Variants in NCR2 observed in about 807,000 individuals in gnomAD.
NCR2 encodes the protein natural cytotoxicity triggering receptor 2, also known as NK cell activating receptor (NKp44).
Under a neutral mutation model 30.7 loss-of-function variants are expected in NCR2, and 35 were observed. The ratio of observed to expected loss-of-function variants is 1.14; its 90% confidence interval spans 0.87 to 1.51. The LOEUF (loss-of-function observed/expected upper bound fraction) is 1.51. Ranked by LOEUF, NCR2 falls within the 40% of genes most tolerant of loss-of-function variation. The pLI is 0.00. For synonymous variants in NCR2, 146 were observed against 134.8 expected, an observed-to-expected ratio of 1.08 and a Z score of -0.58; for missense variants, 316 against 328.9, an observed-to-expected ratio of 0.96 and a Z score of 0.30.
intron 4 of NCR2, among the ~76,000 whole-genome samples, chr6:41,343,209 C>G (rs1400790638): frequency 6.6e-6 from 1 of 152,282 alleles, no homozygotes; most frequent in Non-Finnish European, 1.5e-5. Context: ...GGCCAGCACC[C>G]CGTTGTGGGA....
intron 2 of NCR2, among the ~76,000 whole-genome samples, chr6:41,339,496 T>G (rs1769120022): frequency 6.6e-6 from 1 of 152,078 alleles, no homozygotes. Context: ...CACCTTCTCC[T>G]GCCTCAGCCT....
intron 4 of NCR2, among the ~76,000 whole-genome samples, chr6:41,345,117 C>T (rs1769271388): frequency 6.6e-6 from 1 of 152,184 alleles, no homozygotes; most frequent in Non-Finnish European, 1.5e-5. Flanking sequence ...AAGCTCTCTG[C>T]AGCTGTTGAG....
chr6:41,336,782 T>C (rs536780854), intron 2 of NCR2, among the ~76,000 whole-genome samples: 4 of 152,106 alleles, frequency 2.6e-5, no homozygotes, highest in Admixed American at 2.6e-4. Flanking sequence ...CCCCACCATG[T>C]AGAGCCAGTG....
chr6:41,344,430 C>G (rs1002188802), intron 4 of NCR2, among the ~76,000 whole-genome samples: 2 of 152,230 alleles, frequency 1.3e-5, no homozygotes, highest in African/African-American at 4.8e-5. Flanking sequence ...CTTACAATCC[C>G]GATGTTGGAC....
rs990764477 is a variant in NCR2, at chr6:41,350,678, G to C, written c.645G>C (p.Trp215Cys). 1.4e-5 allele frequency: 22 copies of C among 1,612,350 alleles called. No homozygotes were observed. The highest frequency in any genetic ancestry group is 1.7e-5 in the Admixed American group (1 of 59,678). The change falls in exon 5 of 5, where the codon TGG (tryptophan) becomes TGC (cysteine). Residue 215 changes from tryptophan to cysteine, a missense_variant and splice_region_variant. Trp to Cys is a radical substitution (Grantham distance 215). Transcript: ENST00000373089. ...SLVLSALLVW[W>C]GDIWWKTMME... The stretch of plus-strand genomic sequence containing the variant: ...TCCTGGTTTCCTGCTCTGATTGCAG[G>C]GGGGACATATGGTGGAAAACCATGA...
intron 1 of NCR2, 43 bp from the exon 2 acceptor site, chr6:41,336,044 G>T: frequency 1.3e-6 from 2 of 1,593,838 alleles, no homozygotes; most frequent in Non-Finnish European, 8.6e-7. Context: ...GAGGCAGGTT[G>T]TGCGCGTGGC....
intron 4 of NCR2, 120 bp downstream of exon 4, chr6:41,342,269 C>T: frequency 7.3e-7 from 1 of 1,377,010 alleles, no homozygotes; most frequent in Non-Finnish European, 9.8e-7. Flanking sequence ...CGGCAGAGCT[C>T]TCCAAATTAA....
rs141204546 is a variant in NCR2 at position 41,338,005 on chromosome 6, T to C, written c.394+1577T>C. On this transcript the variant is annotated intron_variant, in intron 2 of 4. Coordinates refer to ENST00000373089, the MANE Select transcript of NCR2 (RefSeq NM_004828.4). ...AATATCAATATTATCACTTATTTTG[T>C]TGATAAATGTTATTAAATTAAGAAC... 1.7e-3 allele frequency among the ~76,000 whole-genome samples: 258 copies of C among 152,344 alleles called. 1 individual carries two copies. The highest frequency in any genetic ancestry group is 0.017 in the East Asian group (87 of 5,194).
chr6:41,338,181 A>G (rs949917658), intron 2 of NCR2, among the ~76,000 whole-genome samples: 1 of 152,198 alleles, frequency 6.6e-6, no homozygotes, highest in Non-Finnish European at 1.5e-5. Flanking sequence ...TACAATTCAC[A>G]TTTGTACTAA....
At chr6:41,342,377 T>G (rs1184030758) in intron 4 of NCR2, among the ~76,000 whole-genome samples, 2 of 152,046 alleles carry the variant, frequency 1.3e-5, no homozygotes. Flanking sequence ...TCTCTGTCTC[T>G]GTGTTTTCTC....
chr6:41,336,040 G>T, intron 1 of NCR2, 47 bp from the exon 2 acceptor site: 1 of 1,592,724 alleles, frequency 6.3e-7, no homozygotes, highest in Non-Finnish European at 8.6e-7. Flanking sequence ...CTGTGAGGCA[G>T]GTTGTGCGCG....
rs1432436505 is a variant in NCR2, at chr6:41,341,805, A to G, written c.406A>G (p.Thr136Ala). Residue 136 changes from threonine (T) to alanine (A), a missense_variant, in exon 3 of 5, where the codon ACA becomes GCA. By Grantham distance (58) the Thr-to-Ala change is moderately conservative (BLOSUM62 0). Transcript: ENST00000373089. ...YLVVSPASAS[T>A]QTSWTPRDLV... ...CTCCTCCCTGGCAGCCTCTGCCTCC[A>G]CACAGACCTCCTGGACTCCCCGCGA... is the stretch of plus-strand genomic sequence containing the variant. 6.2e-7 allele frequency: 1 copy of G among 1,611,248 alleles called. No homozygotes were observed. The highest frequency in any genetic ancestry group is 1.1e-5 in the South Asian group (1 of 90,926).
Position 41,350,762 on chromosome 6 carries a change from C to T in NCR2, c.729C>T (p.Asp243=). The change falls in exon 5 of 5, where the codon GAC becomes GAT. Residue 243 remains aspartate, a synonymous_variant. Transcript: ENST00000373089. ...KATCHLQQVT[D]LPWTSVSSPV... ...CCTGCCACCTTCAACAGGTCACGGACCTTCCCTGGACCTCAGTTTCCTCAC... is the reference window on the plus strand; with the variant it reads ...CCTGCCACCTTCAACAGGTCACGGATCTTCCCTGGACCTCAGTTTCCTCAC... 2 of 1,602,674 alleles carry T rather than the reference C, an allele frequency of 1.2e-6. No individual in the cohort carries two copies. The highest frequency in any genetic ancestry group is 1.7e-5 in the Admixed American group (1 of 60,022).
At chr6:41,342,859 A>T in intron 4 of NCR2, 1 of 1,461,052 alleles carries the variant, frequency 6.8e-7, no homozygotes. Context: ...GCTTGGGGAA[A>T]GGGACAGGGT....
intron 4 of NCR2, among the ~76,000 whole-genome samples, chr6:41,346,836 G>C (rs1245462762): frequency 6.6e-6 from 1 of 151,050 alleles, no homozygotes; most frequent in Non-Finnish European, 1.5e-5. Flanking sequence ...AGAGAGGGAG[G>C]GAGGGAGGGA....
chr6:41,337,623 A>G (rs1769066656), intron 2 of NCR2, among the ~76,000 whole-genome samples: 1 of 152,110 alleles, frequency 6.6e-6, no homozygotes, highest in African/African-American at 2.4e-5. Context: ...AATTGTGTTG[A>G]TTTTTTTTAA....
In NCR2 at chr6:41,346,429, A is replaced by G. The variant is rs113831487; in HGVS notation, c.645-4249A>G. Among the ~76,000 whole-genome samples, 1,505 of 151,728 alleles carry G rather than the reference A, an allele frequency of 9.9e-3. 27 individuals carry two copies. The highest frequency in any genetic ancestry group is 0.034 in the African/African-American group (1,408 of 41,294). ...TCAACACCACAGGGACCCATGATCC[A>G]TTGATCCTGCCACCCGCCCCTTTCC... On this transcript the variant is annotated intron_variant, in intron 4 of 4. Transcript: ENST00000373089.
At chr6:41,340,576 G>A (rs1769144837) in intron 2 of NCR2, among the ~76,000 whole-genome samples, 1 of 152,162 alleles carries the variant, frequency 6.6e-6, no homozygotes, top group Non-Finnish European at 1.5e-5. Flanking sequence ...ACCCAAGCTG[G>A]TCTATATCCT....
At chr6:41,342,207 G>A in intron 4 of NCR2, 58 bp downstream of exon 4, 2 of 1,595,896 alleles carry the variant, frequency 1.3e-6, no homozygotes, top group Non-Finnish European at 8.5e-7. Context: ...CTTCTGCCCA[G>A]GATAGAGGGT....
Sources: allele counts gnomAD v4.1 joint callset (sites outside exome capture counted in the v4.1 genomes callset), GRCh38; gene constraint gnomAD v4.1.1; transcripts MANE v1.5; gene names NCBI Gene and HGNC (gene_info 2026-07-23, HGNC 2026-07-21).